The following DYNC1I2 variants were observed in gnomAD, a reference collection of about 807,000 sequenced individuals.
The protein encoded by DYNC1I2 is cytoplasmic dynein 1 intermediate chain 2.
DYNC1I2 carries 53 observed loss-of-function variants against 88.6 expected under a neutral mutation model. The observed-to-expected ratio is 0.60, with a 90% confidence interval of 0.48 to 0.75. The LOEUF is 0.75. DYNC1I2 is among the 30% of genes least tolerant of loss of function. The probability of loss-of-function intolerance (pLI) is 0.00; values close to 1 mark genes in which losing one functional copy is unlikely to be tolerated. For synonymous variants in DYNC1I2, 198 were observed against 254.6 expected, an observed-to-expected ratio of 0.78 and a Z score of 2.12; for missense variants, 458 against 766.6, an observed-to-expected ratio of 0.60 and a Z score of 4.75.
intron 16 of DYNC1I2, among the ~76,000 whole-genome samples, chr2:171,745,051 G>A (rs897025973): frequency 6.6e-6 from 1 of 152,174 alleles, no homozygotes; most frequent in African/African-American, 2.4e-5. Flanking sequence ...GGTATTCTGT[G>A]TATGGGGTTA....
chr2:171,728,238 T>C (rs1688376093), intron 12 of DYNC1I2, 67 bp from the exon 13 acceptor site: 2 of 959,586 alleles, frequency 2.1e-6, no homozygotes, highest in Non-Finnish European at 3.0e-6. Flanking sequence ...ATGCTTATAA[T>C]TAGACTAAAA....
chr2:171,703,983 G>T (rs1456398397), intron 3 of DYNC1I2, among the ~76,000 whole-genome samples: 1 of 152,018 alleles, frequency 6.6e-6, no homozygotes, highest in Non-Finnish European at 1.5e-5. Flanking sequence ...CCTTTTCCAG[G>T]TCTTTCTTCC....
chr2:171,717,282 T>G (rs923591123), intron 7 of DYNC1I2, among the ~76,000 whole-genome samples: 1 of 151,598 alleles, frequency 6.6e-6, no homozygotes, highest in Non-Finnish European at 1.5e-5. Context: ...CCCGGCTAAT[T>G]TTTTGTATTT....
chr2:171,694,078 C>G (rs2105465546), intron 3 of DYNC1I2, among the ~76,000 whole-genome samples: 1 of 151,052 alleles, frequency 6.6e-6, no homozygotes, highest in Non-Finnish European at 1.5e-5. Flanking sequence ...CACTCACTCT[C>G]CCAGGCTGGA....
chr2:171,739,461 G>T (rs147584114), intron 15 of DYNC1I2, among the ~76,000 whole-genome samples: 1,728 of 151,876 alleles, frequency 0.011, 34 homozygotes, highest in African/African-American at 0.035. Flanking sequence ...CATAACCTCT[G>T]CAATATTAAA....
At chr2:171,696,062 C>T (rs1685744245) in intron 3 of DYNC1I2, among the ~76,000 whole-genome samples, 1 of 152,184 alleles carries the variant, frequency 6.6e-6, no homozygotes, top group Non-Finnish European at 1.5e-5. Flanking sequence ...TCTTTATCTT[C>T]TGATGTATAG....
intron 3 of DYNC1I2, among the ~76,000 whole-genome samples, chr2:171,698,854 G>A (rs1365777814): frequency 6.6e-6 from 1 of 152,040 alleles, no homozygotes; most frequent in African/African-American, 2.4e-5. Context: ...GAGTGACAGA[G>A]CGAGACTCTG....
chr2:171,739,124 A>G (rs1406221597), intron 15 of DYNC1I2, among the ~76,000 whole-genome samples: 3 of 151,982 alleles, frequency 2.0e-5, no homozygotes, highest in African/African-American at 4.8e-5. Context: ...AAAAAAAGAA[A>G]ACCACCTTCT....
chr2:171,713,199 T>G (rs1286609692), intron 6 of DYNC1I2, among the ~76,000 whole-genome samples: 1 of 152,120 alleles, frequency 6.6e-6, no homozygotes, highest in Non-Finnish European at 1.5e-5. Flanking sequence ...TGATGATTTC[T>G]AAGATTTTGA....
intron 3 of DYNC1I2, among the ~76,000 whole-genome samples, chr2:171,702,503 C>A (rs888557392): frequency 3.3e-5 from 5 of 152,066 alleles, no homozygotes; most frequent in Admixed American, 1.3e-4. Context: ...AGTAAAAAAT[C>A]TATTTTGTAT....
rs775521489 is a variant in DYNC1I2, at chr2:171,729,759, G to A, written c.1442G>A (p.Gly481Asp). 6 of 1,613,158 alleles carry A rather than the reference G, an allele frequency of 3.7e-6. No individual in the cohort carries two copies. Among genetic ancestry groups the A allele is most frequent in the South Asian group, 3.3e-5 (3 of 91,044 alleles). ...MFEGHQGPIT[G>D]IHCHAAVGAV... ...GAGGGGCATCAAGGACCAATCACTG[G>A]CATCCATTGTCATGCAGCTGTTGGA... Residue 481 changes from glycine to aspartate, a missense_variant, in exon 15 of 18, where the codon GGC becomes GAC. Around this residue, in one of 5 missense-constraint regions of DYNC1I2, gnomAD observed 188 missense variants for 300.4 expected, o/e 0.63. Transcript: ENST00000397119.
At chr2:171,721,181 A>C (rs1687879901) in intron 7 of DYNC1I2, among the ~76,000 whole-genome samples, 3 of 150,918 alleles carry the variant, frequency 2.0e-5, no homozygotes, top group Admixed American at 1.3e-4. Context: ...TGTTAAAGGA[A>C]GTGGTATAAT....
At chr2:171,715,087 A>G (rs1438311744) in intron 6 of DYNC1I2, among the ~76,000 whole-genome samples, 1 of 152,218 alleles carries the variant, frequency 6.6e-6, no homozygotes, top group Non-Finnish European at 1.5e-5. Context: ...TAAAAAAATG[A>G]AATTACTTGC....
intron 3 of DYNC1I2, among the ~76,000 whole-genome samples, chr2:171,695,943 C>T (rs1574506858): frequency 6.6e-6 from 1 of 152,304 alleles, no homozygotes; most frequent in East Asian, 1.9e-4. Flanking sequence ...ATACATTTAT[C>T]TGATTACAGT....
chr2:171,733,829 T>C (rs1688813802), intron 15 of DYNC1I2, among the ~76,000 whole-genome samples: 1 of 152,060 alleles, frequency 6.6e-6, no homozygotes, highest in South Asian at 2.1e-4. Context: ...ATTTTGCTTT[T>C]GTTGCAATTG....
intron 3 of DYNC1I2, among the ~76,000 whole-genome samples, chr2:171,695,702 T>C (rs1685716026): frequency 6.6e-6 from 1 of 152,242 alleles, no homozygotes; most frequent in African/African-American, 2.4e-5. Flanking sequence ...TGTGGAATAC[T>C]TTCTCTGGGG....
intron 15 of DYNC1I2, among the ~76,000 whole-genome samples, chr2:171,737,449 ACT>A (rs1341754665): frequency 6.6e-6 from 1 of 151,860 alleles, no homozygotes; most frequent in Non-Finnish European, 1.5e-5. Context: ...TCGTGACCAT[ACT>A]CTGTTGCCCA....
chr2:171,725,600 T>C lies in DYNC1I2; in HGVS notation c.512-18T>C. The C allele has an allele frequency of 9.5e-7, 1 of 1,049,654 alleles. No homozygotes were observed. Among genetic ancestry groups the C allele is most frequent in the Non-Finnish European group, 1.3e-6 (1 of 790,118 alleles). 65.0% of individuals were successfully genotyped at this position (1,049,654 alleles called of 1,614,324 possible). A position where few individuals can be genotyped will look rare whatever the true frequency, so the allele number is the denominator to read the frequency against. On this transcript the variant is annotated intron_variant, in intron 7 of 17. Coordinates refer to ENST00000397119, the MANE Select transcript of DYNC1I2 (RefSeq NM_001378.3). ...TCTGTTTTTTTGTTTTTTTGTTTGT[T>C]TTTTTTTTTTTTTTCAGATGAAGAG...
intron 2 of DYNC1I2, 59 bp from the exon 3 acceptor site, chr2:171,692,718 T>A (rs1291577217): frequency 2.4e-6 from 3 of 1,258,162 alleles, no homozygotes; most frequent in Non-Finnish European, 3.3e-6. Context: ...TTAAAACATT[T>A]TTGCAAACAA....
Sources: allele counts gnomAD v4.1 joint callset (sites outside exome capture counted in the v4.1 genomes callset), GRCh38; gene constraint gnomAD v4.1.1; regional missense constraint gnomAD v4.1.1; transcripts MANE v1.5; gene names NCBI Gene and HGNC (gene_info 2026-07-23, HGNC 2026-07-21).